The following SORCS2 variants were observed in gnomAD, a reference collection of about 807,000 sequenced individuals.
SORCS2 encodes sortilin related VPS10 domain containing receptor 2.
SORCS2 carries 100 observed loss-of-function variants against 141.6 expected under a neutral mutation model. The ratio of observed to expected loss-of-function variants is 0.71; its 90% CI spans 0.60 to 0.83. The LOEUF (loss-of-function observed/expected upper bound fraction) is 0.83, where lower values mean the gene tolerates loss of function less well. SORCS2 is among the 40% of genes least tolerant of loss of function. The probability of loss-of-function intolerance (pLI) is 0.00; values close to 1 mark genes in which losing one functional copy is unlikely to be tolerated. For missense variants in SORCS2, 1,646 were observed against 1,560.2 expected (o/e 1.05, Z -0.93); for synonymous variants, 789 against 676.9 (o/e 1.17, Z -2.57).
At chr4:7,627,653 C>T (rs1165812833) in intron 3 of SORCS2, among the ~76,000 whole-genome samples, 2 of 152,154 alleles carry the variant, frequency 1.3e-5, no homozygotes, top group African/African-American at 4.8e-5. Flanking sequence ...ATGAAAAATG[C>T]CTTAGCAAAA....
chr4:7,437,329 G>A (rs1406004014), intron 2 of SORCS2, among the ~76,000 whole-genome samples: 1 of 152,214 alleles, frequency 6.6e-6, no homozygotes, highest in Non-Finnish European at 1.5e-5. Flanking sequence ...AGGAGGCTGT[G>A]TACAAGGCAA....
chr4:7,488,959 A>G (rs1168723314), intron 2 of SORCS2, among the ~76,000 whole-genome samples: 7 of 152,254 alleles, frequency 4.6e-5, no homozygotes, highest in Admixed American at 4.6e-4. Flanking sequence ...GTCACTAGCT[A>G]CATTTACGTA....
intron 18 of SORCS2, among the ~76,000 whole-genome samples, chr4:7,720,012 G>A (rs941878164): frequency 6.6e-6 from 1 of 152,022 alleles, no homozygotes; most frequent in African/African-American, 2.4e-5. Context: ...ATCCAGGTCC[G>A]AGGCACACAC....
chr4:7,247,994 A>G (rs1263345103), intron 1 of SORCS2, among the ~76,000 whole-genome samples: 2 of 152,200 alleles, frequency 1.3e-5, no homozygotes, highest in African/African-American at 4.8e-5. Flanking sequence ...TGGGGAAGGG[A>G]CAGCCCTGGG....
At chr4:7,410,401 G>A (rs1358600444) in intron 2 of SORCS2, among the ~76,000 whole-genome samples, 2 of 152,214 alleles carry the variant, frequency 1.3e-5, no homozygotes, top group Non-Finnish European at 2.9e-5. Context: ...AGTCCTCTGT[G>A]CACATAGACA....
chr4:7,467,611 T>A (rs1452558118), intron 2 of SORCS2, among the ~76,000 whole-genome samples: 1 of 152,176 alleles, frequency 6.6e-6, no homozygotes, highest in Non-Finnish European at 1.5e-5. Flanking sequence ...CAGCGGGGCC[T>A]GCACTAAGCT....
chr4:7,409,874 G>C (rs1026999824), intron 2 of SORCS2, among the ~76,000 whole-genome samples: 3 of 152,180 alleles, frequency 2.0e-5, no homozygotes, highest in Non-Finnish European at 2.9e-5. Context: ...AGTGAAGCCA[G>C]GTTGCTTCTA....
chr4:7,704,403 G>T (rs1228960122), intron 14 of SORCS2, 119 bp downstream of exon 14: 7 of 883,028 alleles, frequency 7.9e-6, no homozygotes, highest in Non-Finnish European at 1.2e-5. Context: ...TCTGCCACCT[G>T]CCCCAGGTCC....
At chr4:7,496,160 C>T (rs1376810985) in intron 2 of SORCS2, among the ~76,000 whole-genome samples, 2 of 152,160 alleles carry the variant, frequency 1.3e-5, no homozygotes, top group African/African-American at 4.8e-5. Flanking sequence ...TGAAGTGTGT[C>T]TTGGGAAGGG....
intron 3 of SORCS2, among the ~76,000 whole-genome samples, chr4:7,619,172 T>C (rs1352044263): frequency 1.3e-5 from 2 of 152,184 alleles, no homozygotes; most frequent in Non-Finnish European, 2.9e-5. Context: ...TGAGACAAGA[T>C]GCGTGTGCCA....
rs193034333 is a variant in SORCS2, at chr4:7,598,838, C to A, written c.649-39490C>A. Among the ~76,000 whole-genome samples, 6 of 152,324 alleles carry A rather than the reference C, an allele frequency of 3.9e-5. 1 individual carries two copies. The East Asian group carries it at 7.7e-4, about 20-fold the overall frequency. ...GTGGGGACAGGGGCTGTGTTCTCCC[C>A]CCCAGGCTGTGCTCATGCTGAGCTC... On this transcript the variant is annotated intron_variant, in intron 3 of 26. Coordinates refer to ENST00000507866, the MANE Select transcript of SORCS2 (RefSeq NM_020777.3).
intron 2 of SORCS2, among the ~76,000 whole-genome samples, chr4:7,462,784 A>G (rs949329749): frequency 6.6e-6 from 1 of 151,176 alleles, no homozygotes; most frequent in African/African-American, 2.4e-5. Flanking sequence ...TGCAGAGTGA[A>G]TGAATAACAA....
At chr4:7,523,422 G>A (rs1026734478) in intron 2 of SORCS2, among the ~76,000 whole-genome samples, 1 of 152,182 alleles carries the variant, frequency 6.6e-6, no homozygotes, top group Non-Finnish European at 1.5e-5. Flanking sequence ...AGCATTTATT[G>A]AGTGCCAGCT....
intron 2 of SORCS2, among the ~76,000 whole-genome samples, chr4:7,470,537 G>C (rs953442935): frequency 9.2e-5 from 14 of 152,236 alleles, no homozygotes; most frequent in Non-Finnish European, 7.3e-5. Context: ...TGTGGCCAAG[G>C]AGACCCATGT....
chr4:7,423,573 C>A (rs1726231314), intron 2 of SORCS2, among the ~76,000 whole-genome samples: 2 of 152,200 alleles, frequency 1.3e-5, no homozygotes, highest in South Asian at 4.1e-4. Context: ...CACCACCACA[C>A]CCAGCTGAGA....
chr4:7,366,914 C>T (rs1243354257), intron 1 of SORCS2, among the ~76,000 whole-genome samples: 1 of 152,224 alleles, frequency 6.6e-6, no homozygotes, highest in Non-Finnish European at 1.5e-5. Flanking sequence ...TTTATTCTGT[C>T]AGGTGTACTG....
chr4:7,292,011 G>C (rs997502588), intron 1 of SORCS2, among the ~76,000 whole-genome samples: 9 of 152,190 alleles, frequency 5.9e-5, no homozygotes, highest in Non-Finnish European at 1.3e-4. Context: ...AACTGTGACT[G>C]TTGTCTGGGG....
chr4:7,626,163 T>TATAA (rs935818997), intron 3 of SORCS2, among the ~76,000 whole-genome samples: 34 of 151,870 alleles, frequency 2.2e-4, no homozygotes, highest in East Asian at 7.7e-4. Context: ...AATAAATAAA[T>TATAA]ATAAATAAAT....
chr4:7,420,967 C>G (rs568372213), intron 2 of SORCS2, among the ~76,000 whole-genome samples: 1 of 152,352 alleles, frequency 6.6e-6, no homozygotes, highest in Admixed American at 6.5e-5. Context: ...CAGTGCCCCA[C>G]TCAGCACGTG....
Sources: gnomAD v4.1 joint callset for allele counts (sites outside exome capture counted in the v4.1 genomes callset) on GRCh38, gnomAD v4.1.1 for gene constraint, MANE v1.5 for transcripts, NCBI Gene and HGNC (gene_info 2026-07-23, HGNC 2026-07-21) for gene names.